The following TRABD2B variants were observed in gnomAD, a reference collection of about 807,000 sequenced individuals.
TRABD2B encodes the protein metalloprotease TIKI2.
TRABD2B carries 14 observed loss-of-function variants against 40.1 expected under a neutral mutation model. The observed-to-expected ratio is 0.35, with a 90% CI of 0.23 to 0.55. The LOEUF (loss-of-function observed/expected upper bound fraction) is 0.55, where lower values mean the gene tolerates loss of function less well. Ranked by LOEUF, TRABD2B falls within the 20% of genes least tolerant of loss-of-function variation. TRABD2B has a pLI of 0.90. For synonymous variants in TRABD2B, 263 were observed against 277.0 expected (o/e 0.95, Z 0.50); for missense variants, 541 against 648.6 (o/e 0.83, Z 1.80).
intron 4 of TRABD2B, among the ~76,000 whole-genome samples, chr1:47,793,309 C>A (rs553313428): frequency 3.3e-5 from 5 of 152,370 alleles, no homozygotes; most frequent in Admixed American, 3.3e-4. Flanking sequence ...TTCTGCCCAA[C>A]TGCTGTGCCT....
At chr1:47,912,210 A>G (rs567433056) in intron 2 of TRABD2B, among the ~76,000 whole-genome samples, 195 of 152,342 alleles carry the variant, frequency 1.3e-3, no homozygotes, top group Non-Finnish European at 2.2e-3. Context: ...TTGCCACAAG[A>G]TATAAACTAA....
At chr1:47,843,288 C>T (rs764438390) in intron 2 of TRABD2B, among the ~76,000 whole-genome samples, 1 of 152,160 alleles carries the variant, frequency 6.6e-6, no homozygotes, top group Admixed American at 6.5e-5. Context: ...GGGTGCAGGG[C>T]AGACGCAGGG....
chr1:47,791,013 C>T (rs547171880), intron 4 of TRABD2B, among the ~76,000 whole-genome samples: 8 of 152,206 alleles, frequency 5.3e-5, no homozygotes, highest in Non-Finnish European at 7.3e-5. Flanking sequence ...ACACCCAGGC[C>T]TCCTGACCCC....
chr1:47,892,276 T>C (rs913150961), intron 2 of TRABD2B, among the ~76,000 whole-genome samples: 5 of 152,240 alleles, frequency 3.3e-5, no homozygotes, highest in African/African-American at 1.2e-4. Flanking sequence ...CAGTCAAGGA[T>C]GACTCTAAGA....
chr1:47,795,948 G>A (rs772619087), intron 3 of TRABD2B, among the ~76,000 whole-genome samples: 2 of 151,812 alleles, frequency 1.3e-5, no homozygotes, highest in African/African-American at 4.8e-5. Context: ...CATTAACAGG[G>A]TCTTGAACTA....
chr1:47,938,957 CAG>C (rs1645150425), intron 2 of TRABD2B, among the ~76,000 whole-genome samples: 2 of 102,160 alleles, frequency 2.0e-5, no homozygotes, highest in South Asian at 3.4e-4. Flanking sequence ...GAGACAGAGA[CAG>C]AGAGGGGCAG....
chr1:47,814,697 A>G (rs1047082247), intron 2 of TRABD2B, among the ~76,000 whole-genome samples: 1 of 152,080 alleles, frequency 6.6e-6, no homozygotes, highest in Non-Finnish European at 1.5e-5. Context: ...TGCAGATGAG[A>G]CCCAGAATGG....
At chr1:47,968,977 G>A (rs550698772) in intron 2 of TRABD2B, among the ~76,000 whole-genome samples, 4 of 152,248 alleles carry the variant, frequency 2.6e-5, no homozygotes, top group Admixed American at 1.3e-4. Flanking sequence ...ACTAAAGAAA[G>A]ATATCAGCCC....
intron 2 of TRABD2B, among the ~76,000 whole-genome samples, chr1:47,886,597 C>T (rs1220853021): frequency 3.9e-5 from 6 of 152,208 alleles, no homozygotes; most frequent in Non-Finnish European, 8.8e-5. Context: ...CCAAGCCAGA[C>T]ACCTGGAAGT....
intron 2 of TRABD2B, among the ~76,000 whole-genome samples, chr1:47,898,068 G>C (rs367585073): frequency 7.4e-4 from 113 of 152,232 alleles, no homozygotes; most frequent in African/African-American, 2.5e-3. Flanking sequence ...CAGAATACTG[G>C]CTCAGAACAT....
chr1:47,881,775 C>T (rs575979324), intron 2 of TRABD2B, among the ~76,000 whole-genome samples: 11 of 152,306 alleles, frequency 7.2e-5, no homozygotes, highest in Admixed American at 4.6e-4. Context: ...CTCATAGACA[C>T]CACATGTCTG....
chr1:47,808,173 G>A (rs553046202), intron 2 of TRABD2B, among the ~76,000 whole-genome samples: 1 of 152,304 alleles, frequency 6.6e-6, no homozygotes, highest in South Asian at 2.1e-4. Context: ...AAAGAACAAG[G>A]AATTCTACCA....
intron 2 of TRABD2B, among the ~76,000 whole-genome samples, chr1:47,898,473 G>A (rs911317245): frequency 6.6e-6 from 1 of 152,224 alleles, no homozygotes; most frequent in African/African-American, 2.4e-5. Flanking sequence ...CCTAGGCTCT[G>A]GAGGGAAGCC....
chr1:47,800,679 G>A (rs1644810785), intron 3 of TRABD2B, among the ~76,000 whole-genome samples: 4 of 152,216 alleles, frequency 2.6e-5, no homozygotes, highest in Admixed American at 2.6e-4. Flanking sequence ...TGACAGAGGA[G>A]GCACAAGGCC....
chr1:47,930,256 T>C (rs1645022411), intron 2 of TRABD2B, among the ~76,000 whole-genome samples: 1 of 152,188 alleles, frequency 6.6e-6, no homozygotes, highest in Non-Finnish European at 1.5e-5. Flanking sequence ...GGCCAGGTGA[T>C]TTATGAGGGA....
chr1:47,965,202 G>GGGGGGGGGGGGGAC (rs1570380905), intron 2 of TRABD2B, among the ~76,000 whole-genome samples: 1 of 81,578 alleles, frequency 1.2e-5, no homozygotes, highest in South Asian at 8.0e-4. Flanking sequence ...GGCGGGGGGC[G>GGGGGGGGGGGGGAC]GGGGGGGGTG....
At position 47,804,924 on chromosome 1, in the gene TRABD2B, G is replaced by A. The variant is rs147327724; in HGVS notation, c.667-3305C>T. 1.4e-4 allele frequency among the ~76,000 whole-genome samples: 21 copies of A among 152,284 alleles called. No homozygotes were observed. The East Asian group carries it at 3.1e-3, about 22-fold the overall frequency. ...CCTGGTTGATGTAAGGGAGGCAGGC[G>A]GGCGCCTGAAGTCTCACTAGCTCAA... On this transcript the variant is annotated intron_variant, in intron 2 of 6. Transcript: ENST00000606738.
At chr1:47,905,969 T>C (rs555830235) in intron 2 of TRABD2B, among the ~76,000 whole-genome samples, 11 of 152,288 alleles carry the variant, frequency 7.2e-5, no homozygotes, top group African/African-American at 2.6e-4. Flanking sequence ...CACTCCACAT[T>C]ACTCCTGGGC....
intron 2 of TRABD2B, among the ~76,000 whole-genome samples, chr1:47,988,562 G>A (rs927386757): frequency 5.9e-5 from 9 of 152,158 alleles, no homozygotes; most frequent in Admixed American, 6.5e-5. Flanking sequence ...CCTGTCTGAA[G>A]CCTGGCAGCA....
Sources: allele counts gnomAD v4.1 joint callset (sites outside exome capture counted in the v4.1 genomes callset), GRCh38; gene constraint gnomAD v4.1.1; transcripts MANE v1.5; gene names NCBI Gene and HGNC (gene_info 2026-07-23, HGNC 2026-07-21).